Variants in UBE2E2 observed in about 807,000 individuals in gnomAD.
UBE2E2 encodes ubiquitin conjugating enzyme E2 E2.
Under a neutral mutation model 24.7 loss-of-function variants are expected in UBE2E2, and 6 were observed. The ratio of observed to expected loss-of-function variants is 0.24; its 90% CI spans 0.13 to 0.48. The LOEUF (loss-of-function observed/expected upper bound fraction) is 0.48, where lower values mean the gene tolerates loss of function less well. UBE2E2 is among the 20% of genes least tolerant of loss of function. The probability of loss-of-function intolerance (pLI) is 0.99; values close to 1 mark genes in which losing one functional copy is unlikely to be tolerated. For synonymous variants in UBE2E2, 104 were observed against 83.6 expected, an observed-to-expected ratio of 1.24 and a Z score of -1.33; for missense variants, 169 against 245.0, an observed-to-expected ratio of 0.69 and a Z score of 2.07.
intron 3 of UBE2E2, among the ~76,000 whole-genome samples, chr3:23,286,826 T>C (rs1698625979): frequency 6.6e-6 from 1 of 152,122 alleles, no homozygotes; most frequent in Non-Finnish European, 1.5e-5. Context: ...ATTTCACCAG[T>C]GTTTTGTAGT....
At chr3:23,317,629 G>A (rs1364490030) in intron 3 of UBE2E2, among the ~76,000 whole-genome samples, 1 of 152,124 alleles carries the variant, frequency 6.6e-6, no homozygotes, top group East Asian at 1.9e-4. Flanking sequence ...AACTTGAATG[G>A]CAGCAGACAG....
intron 3 of UBE2E2, among the ~76,000 whole-genome samples, chr3:23,313,494 C>G (rs1296730476): frequency 2.0e-5 from 3 of 149,160 alleles, no homozygotes; most frequent in African/African-American, 7.4e-5. Context: ...AAGTGATTCT[C>G]CTACCTCAGC....
At chr3:23,442,958 T>A (rs1412634784) in intron 3 of UBE2E2, among the ~76,000 whole-genome samples, 1 of 152,222 alleles carries the variant, frequency 6.6e-6, no homozygotes, top group Non-Finnish European at 1.5e-5. Flanking sequence ...ATTTAGTAAT[T>A]TAAAATTAAC....
chr3:23,287,311 T>C (rs1405042585), intron 3 of UBE2E2, among the ~76,000 whole-genome samples: 1 of 152,184 alleles, frequency 6.6e-6, no homozygotes, highest in Non-Finnish European at 1.5e-5. Flanking sequence ...AATGTGTTGT[T>C]GAATTTGGTT....
At chr3:23,520,271 T>C (rs1694833275) in intron 4 of UBE2E2, among the ~76,000 whole-genome samples, 1 of 152,184 alleles carries the variant, frequency 6.6e-6, no homozygotes, top group African/African-American at 2.4e-5. Context: ...TTAGTAATAA[T>C]AGTACCCACC....
chr3:23,475,065 TCTC>T (rs1436274021), intron 3 of UBE2E2, among the ~76,000 whole-genome samples: 1 of 152,060 alleles, frequency 6.6e-6, no homozygotes, highest in Non-Finnish European at 1.5e-5. Flanking sequence ...ACCACATTCT[TCTC>T]CTCGAAGTGC....
chr3:23,420,853 C>T (rs958434397), intron 3 of UBE2E2, among the ~76,000 whole-genome samples: 1 of 152,002 alleles, frequency 6.6e-6, no homozygotes, highest in Non-Finnish European at 1.5e-5. Context: ...GTATTTAGGC[C>T]CACAAAACCC....
chr3:23,448,077 AT>A (rs570164213), intron 3 of UBE2E2, among the ~76,000 whole-genome samples: 1 of 151,582 alleles, frequency 6.6e-6, no homozygotes, highest in Non-Finnish European at 1.5e-5. Context: ...TAAAGGCAGT[AT>A]TTTTTTTTCT....
intron 3 of UBE2E2, among the ~76,000 whole-genome samples, chr3:23,428,928 TAAAAAAAAAA>T (rs34525850): frequency 6.6e-5 from 5 of 75,904 alleles, no homozygotes; most frequent in Non-Finnish European, 1.2e-4. Flanking sequence ...CTCTGTCTCT[TAAAAAAAAAA>T]AAAAAAAAAA....
At position 23,589,243 on chromosome 3, in the gene UBE2E2, C is replaced by A. The variant is rs569614840; in HGVS notation, c.509-491C>A. ...CTATCCTGGACAACATAGTGAGACC[C>A]CCAAAATTACAAAAAAAAATTTGAA... On this transcript the variant is annotated intron_variant, in intron 5 of 5. Transcript: ENST00000396703. The surrounding 1 kb of genome is among the most constrained non-coding windows in gnomAD (Gnocchi z 4.1). Among the ~76,000 whole-genome samples the A allele has an allele frequency of 6.6e-6, 1 of 151,816 alleles. No homozygotes were observed. Among genetic ancestry groups the A allele is most frequent in the Admixed American group, 6.6e-5 (1 of 15,236 alleles).
intron 3 of UBE2E2, among the ~76,000 whole-genome samples, chr3:23,309,399 C>T (rs544517529): frequency 6.6e-6 from 1 of 152,252 alleles, no homozygotes; most frequent in African/African-American, 2.4e-5. Flanking sequence ...TTTCAAATAC[C>T]TCATTCATTC....
At chr3:23,349,736 CA>C in intron 3 of UBE2E2, among the ~76,000 whole-genome samples, 1 of 152,358 alleles carries the variant, frequency 6.6e-6, no homozygotes, top group Middle Eastern at 3.4e-3. Context: ...CCAGGAAGCT[CA>C]AACTGGGTGG....
intron 3 of UBE2E2, among the ~76,000 whole-genome samples, chr3:23,294,853 G>C (rs1439765813): frequency 8.1e-6 from 1 of 123,976 alleles, no homozygotes; most frequent in Non-Finnish European, 1.7e-5. Context: ...GTTCAGATTT[G>C]TTATGACCAA....
intron 3 of UBE2E2, among the ~76,000 whole-genome samples, chr3:23,462,551 C>T (rs1479455112): frequency 6.6e-6 from 1 of 152,124 alleles, no homozygotes; most frequent in Admixed American, 6.5e-5. Flanking sequence ...ACAGTCCTTT[C>T]CCTACTCCTC....
intron 3 of UBE2E2, among the ~76,000 whole-genome samples, chr3:23,417,789 C>T (rs1277900832): frequency 6.6e-6 from 1 of 152,218 alleles, no homozygotes; most frequent in East Asian, 1.9e-4. Flanking sequence ...AGTGTGGCTA[C>T]AGCGGCGCTT....
At chr3:23,289,147 A>G (rs968455445) in intron 3 of UBE2E2, among the ~76,000 whole-genome samples, 8 of 152,228 alleles carry the variant, frequency 5.3e-5, no homozygotes, top group African/African-American at 1.9e-4. Context: ...GCTCCTCCTC[A>G]TTTGTAAATA....
chr3:23,584,087 G>A (rs183062498), intron 5 of UBE2E2, among the ~76,000 whole-genome samples: 16 of 152,264 alleles, frequency 1.1e-4, no homozygotes, highest in African/African-American at 3.9e-4. Context: ...TTTGAAGTAT[G>A]TTCCTTCAGT....
chr3:23,451,525 G>A (rs1698562034), intron 3 of UBE2E2, among the ~76,000 whole-genome samples: 1 of 152,160 alleles, frequency 6.6e-6, no homozygotes, highest in Non-Finnish European at 1.5e-5. Flanking sequence ...GAGCGCTTCT[G>A]ACGACTATAC....
chr3:23,357,068 G>A (rs1480688817), intron 3 of UBE2E2, among the ~76,000 whole-genome samples: 1 of 152,150 alleles, frequency 6.6e-6, no homozygotes, highest in Non-Finnish European at 1.5e-5. Context: ...TCTCACACTG[G>A]CAATTAAATG....
Sources: allele counts gnomAD v4.1 joint callset (sites outside exome capture counted in the v4.1 genomes callset), GRCh38; gene constraint gnomAD v4.1.1; non-coding constraint Gnocchi (gnomAD v3.1); transcripts MANE v1.5; gene names NCBI Gene and HGNC (gene_info 2026-07-23, HGNC 2026-07-21).